PLEKHG5: variants seen among roughly 807,000 people sequenced by gnomAD.
PLEKHG5 encodes pleckstrin homology and RhoGEF domain containing G5.
PLEKHG5 carries 52 observed loss-of-function variants against 103.8 expected under a neutral mutation model. The ratio of observed to expected loss-of-function variants is 0.50; its 90% CI spans 0.40 to 0.63. The LOEUF is 0.63. PLEKHG5 is among the 30% of genes least tolerant of loss of function. The pLI is 0.00. For synonymous variants in PLEKHG5, 592 were observed against 575.5 expected (o/e 1.03, Z -0.41); for missense variants, 1,205 against 1,347.6 (o/e 0.89, Z 1.66).
chr1:6,475,202 C>T (rs1354813175), intron 4 of PLEKHG5, 64 bp from the exon 5 acceptor site: 1 of 707,552 alleles, frequency 1.4e-6, no homozygotes, highest in Non-Finnish European at 2.4e-6. Context: ...CCGCCCTCCT[C>T]CCCACCCTCC....
At chr1:6,513,699 C>T (rs1638538838) in intron 1 of PLEKHG5, among the ~76,000 whole-genome samples, 1 of 152,238 alleles carries the variant, frequency 6.6e-6, no homozygotes, top group Admixed American at 6.5e-5. Context: ...ACAGGCTGGA[C>T]TTCCAGAACA....
At position 6,470,979 on chromosome 1, in the gene PLEKHG5, CG is replaced by C; in HGVS notation, c.1392+10del. ...CTCCTGCGCCCCCGCCCACGGCACG[CG>C]CGCCCTCACCGTGATGTAGGCCCGG... On this transcript the variant is annotated intron_variant, in intron 13 of 20. Transcript: ENST00000377728. 6.3e-7 allele frequency: 1 copy of C among 1,586,416 alleles called. No individual in the cohort carries two copies. Among genetic ancestry groups the C allele is most frequent in the Non-Finnish European group, 8.6e-7 (1 of 1,166,434 alleles).
rs140202670 is a variant in PLEKHG5, at chr1:6,472,613, G to A, written c.994C>T (p.Arg332Trp). The stretch of plus-strand genomic sequence containing the variant: ...GCCTCCTGCTGGTGGCACTGCCGCC[G>A]GGTCAGCTTCTAGAGGGAGGGCAGG... ...ELIDGHEKLT[R>W]RQCHQQEAVW... The change falls in exon 10 of 21, where the codon CGG (arginine) becomes TGG (tryptophan). Residue 332 changes from arginine (R) to tryptophan (W), a missense_variant. Arg to Trp is a moderately radical substitution (Grantham distance 101, BLOSUM62 -3). Coordinates refer to ENST00000377728, the MANE Select transcript of PLEKHG5 (RefSeq NM_020631.6). The A allele has an allele frequency of 1.0e-3, 1,654 of 1,611,774 alleles. 5 individuals are homozygous for A. The highest frequency in any genetic ancestry group is 7.4e-3 in the East Asian group (330 of 44,804).
chr1:6,506,549 C>G (rs1018376613), intron 1 of PLEKHG5, among the ~76,000 whole-genome samples: 1 of 152,204 alleles, frequency 6.6e-6, no homozygotes, highest in Non-Finnish European at 1.5e-5. Flanking sequence ...ATGTGCTGCC[C>G]GAGGAGCAAT....
At chr1:6,517,758 C>CA (rs148891701) in intron 1 of PLEKHG5, among the ~76,000 whole-genome samples, 3,624 of 152,212 alleles carry the variant, frequency 0.024, 149 homozygotes, top group African/African-American at 0.082. Context: ...TCAGATCTGA[C>CA]GACAAACAGA....
At chr1:6,511,643 G>A (rs1297927138) in intron 1 of PLEKHG5, among the ~76,000 whole-genome samples, 2 of 152,244 alleles carry the variant, frequency 1.3e-5, no homozygotes, top group Admixed American at 6.5e-5. Context: ...TGAGGCATGT[G>A]AGATGGGGGA....
chr1:6,508,636 G>A (rs1361739981), intron 1 of PLEKHG5, among the ~76,000 whole-genome samples: 4 of 152,228 alleles, frequency 2.6e-5, no homozygotes, highest in African/African-American at 4.8e-5. Context: ...CAAGACTGAC[G>A]AGCGATGCCG....
At chr1:6,494,584 T>A (rs1645196746), upstream of PLEKHG5, among the ~76,000 whole-genome samples, 1 of 152,162 alleles carries the variant, frequency 6.6e-6, no homozygotes, top group Non-Finnish European at 1.5e-5. Context: ...ATTATTATCA[T>A]CATCGACAAT....
rs913742987 is a variant in PLEKHG5, at chr1:6,490,023, C to T, written c.-88+1614G>A. On this transcript the variant is annotated intron_variant, in intron 1 of 20. Coordinates refer to ENST00000377728, the MANE Select transcript of PLEKHG5 (RefSeq NM_020631.6). The surrounding 1 kb of genome is among the most constrained non-coding windows in gnomAD (Gnocchi z 8.0). Reference sequence around the variant, plus strand: ...GGGTGCCTGGGTCTGCTCAGACTGCCCGAGGCGCAGCCTCTGGCGCCCCCT... The same window carrying T: ...GGGTGCCTGGGTCTGCTCAGACTGCTCGAGGCGCAGCCTCTGGCGCCCCCT... Among the ~76,000 whole-genome samples the T allele has an allele frequency of 2.0e-5, 3 of 152,194 alleles. No individual in the cohort carries two copies. Among genetic ancestry groups the T allele is most frequent in the African/African-American group, 7.2e-5 (3 of 41,454 alleles).
At chr1:6,519,634 A>C in exon 1 of PLEKHG5, 1 of 777,798 alleles carries the variant, frequency 1.3e-6, no homozygotes, top group Non-Finnish European at 2.3e-6. Context: ...TCAACATGGA[A>C]GGCTTCTCCC....
chr1:6,515,203 C>G (rs1025861349), intron 1 of PLEKHG5, among the ~76,000 whole-genome samples: 3 of 152,138 alleles, frequency 2.0e-5, no homozygotes, highest in African/African-American at 7.2e-5. Flanking sequence ...GTCAATAAAT[C>G]AGACCCACCT....
Position 6,490,653 on chromosome 1 carries a change from G to C in PLEKHG5, c.-88+984C>G, listed in dbSNP as rs1168215790. On this transcript the variant is annotated intron_variant, in intron 1 of 20. Transcript: ENST00000377728. The surrounding 1 kb of genome is among the most constrained non-coding windows in gnomAD (Gnocchi z 8.0). ...CCTGGACCGGCCGGGATGTACCAAC[G>C]GCGCCGCCCGGCTGGGACCGGGGAG... 1 of 964,630 alleles carries C rather than the reference G, an allele frequency of 1.0e-6. No individual in the cohort carries two copies. Among genetic ancestry groups the C allele is most frequent in the African/African-American group, 1.8e-5 (1 of 56,722 alleles). 59.8% of individuals were successfully genotyped at this position (964,630 alleles called of 1,614,324 possible). A position where few individuals can be genotyped will look rare whatever the true frequency, so the allele number is the denominator to read the frequency against.
intron 1 of PLEKHG5, chr1:6,485,370 G>A: frequency 7.1e-7 from 1 of 1,418,144 alleles, no homozygotes; most frequent in Non-Finnish European, 9.2e-7. Context: ...GGAGGGCTCC[G>A]AGTCCCGGAG....
chr1:6,486,339 C>T lies in PLEKHG5; in HGVS notation c.-88+5298G>A, dbSNP rs1645037325. On this transcript the variant is annotated intron_variant, in intron 1 of 20. Coordinates refer to ENST00000377728, the MANE Select transcript of PLEKHG5 (RefSeq NM_020631.6). The surrounding 1 kb of genome is among the most constrained non-coding windows in gnomAD (Gnocchi z 5.3). ...ACCAGCTTTGAGCCCCAGTCACACA[C>T]CCACCCCAACCTCACAACCAGCTCT... Among the ~76,000 whole-genome samples, 1 of 152,134 alleles carries T rather than the reference C, an allele frequency of 6.6e-6. No homozygotes were observed. Among genetic ancestry groups the T allele is most frequent in the Non-Finnish European group, 1.5e-5 (1 of 68,010 alleles).
At chr1:6,469,815 AG>A in intron 16 of PLEKHG5, 139 bp from the exon 17 acceptor site, 1 of 744,696 alleles carries the variant, frequency 1.3e-6, no homozygotes, top group African/African-American at 1.8e-5. Context: ...ATTAAAATGA[AG>A]AGGAAGATGA....
upstream of PLEKHG5, among the ~76,000 whole-genome samples, chr1:6,499,668 T>G (rs1645274125): frequency 6.6e-6 from 1 of 152,088 alleles, no homozygotes; most frequent in Admixed American, 6.5e-5. Flanking sequence ...CATAGGCCTG[T>G]CATGAGCTCT....
In PLEKHG5 at chr1:6,475,634, AC is replaced by A. The variant is rs1347553899; in HGVS notation, c.150-113del. The A allele has an allele frequency of 2.7e-5, 25 of 941,776 alleles. 1 individual carries two copies. Among genetic ancestry groups the A allele is most frequent in the South Asian group, 2.2e-4 (17 of 77,528 alleles). 58.3% of individuals were successfully genotyped at this position (941,776 alleles called of 1,614,324 possible). A position where few individuals can be genotyped will look rare whatever the true frequency, so the allele number is the denominator to read the frequency against. On this transcript the variant is annotated intron_variant, in intron 3 of 20. Coordinates refer to ENST00000377728, the MANE Select transcript of PLEKHG5 (RefSeq NM_020631.6). The stretch of plus-strand genomic sequence containing the variant: ...CTTGGCTCACCCCAGGTGACAGGTA[AC>A]CCGCGTGGATTCAACCCGGCCAGGC...
intron 1 of PLEKHG5, among the ~76,000 whole-genome samples, chr1:6,508,175 C>T (rs1371450551): frequency 3.7e-5 from 2 of 54,248 alleles, no homozygotes; most frequent in African/African-American, 5.6e-5. Context: ...CCTGCTGCAG[C>T]GGTCACCTGG....
At chr1:6,475,857 G>A in intron 3 of PLEKHG5, 74 bp downstream of exon 3, 2 of 1,202,908 alleles carry the variant, frequency 1.7e-6, no homozygotes, top group Non-Finnish European at 1.2e-6. Context: ...AGAGCATCTG[G>A]TCCTGAATGT....
Sources: gnomAD v4.1 joint callset for allele counts (sites outside exome capture counted in the v4.1 genomes callset) on GRCh38, gnomAD v4.1.1 for gene constraint, Gnocchi (gnomAD v3.1) non-coding constraint, MANE v1.5 for transcripts, NCBI Gene and HGNC (gene_info 2026-07-23, HGNC 2026-07-21) for gene names.